The following NRG1 variants were observed in gnomAD, a reference collection of about 807,000 sequenced individuals.
The protein encoded by NRG1 is neuregulin 1.
In NRG1, 18 loss-of-function variants were observed where a neutral mutation model predicts 63.8. The ratio of observed to expected loss-of-function variants is 0.28; its 90% CI spans 0.19 to 0.42. NRG1 has a LOEUF of 0.42. Among genes scored for constraint, NRG1 ranks in the 10% least tolerant of loss-of-function variants. NRG1 has a pLI of 1.00. For synonymous variants in NRG1, 302 were observed against 301.3 expected, an observed-to-expected ratio of 1.00 and a Z score of -0.02; for missense variants, 762 against 814.7, an observed-to-expected ratio of 0.94 and a Z score of 0.79.
At chr8:32,164,002 T>C (rs1436815984) in intron 1 of NRG1, among the ~76,000 whole-genome samples, 1 of 152,246 alleles carries the variant, frequency 6.6e-6, no homozygotes, top group East Asian at 1.9e-4. Context: ...GGTTTGTGTA[T>C]ATGTACGTGT....
intron 1 of NRG1, among the ~76,000 whole-genome samples, chr8:31,806,678 A>G (rs1822320092): frequency 6.6e-6 from 1 of 152,204 alleles, no homozygotes; most frequent in South Asian, 2.1e-4. Flanking sequence ...CCAAATGACC[A>G]TTAATCATAT....
chr8:32,404,359 G>C (rs1247861538), intron 1 of NRG1, among the ~76,000 whole-genome samples: 2 of 152,088 alleles, frequency 1.3e-5, no homozygotes, highest in African/African-American at 4.8e-5. Context: ...TCAATGCCTA[G>C]TGTCCTTAGA....
At chr8:32,729,586 C>G (rs1471713245) in intron 6 of NRG1, among the ~76,000 whole-genome samples, 1 of 152,118 alleles carries the variant, frequency 6.6e-6, no homozygotes, top group Non-Finnish European at 1.5e-5. Context: ...GTTAGAGAGG[C>G]AATTGAACTG....
downstream of NRG1, among the ~76,000 whole-genome samples, chr8:32,771,684 G>A (rs1486887845): frequency 8.0e-6 from 1 of 125,784 alleles, no homozygotes; most frequent in Non-Finnish European, 1.6e-5. Flanking sequence ...TACACAGGAT[G>A]TTCAGACATA....
intron 1 of NRG1, among the ~76,000 whole-genome samples, chr8:31,886,611 TC>T (rs1830733642): frequency 6.6e-6 from 1 of 152,080 alleles, no homozygotes; most frequent in African/African-American, 2.4e-5. Flanking sequence ...TAAATTAGTA[TC>T]TTTTTAATGT....
chr8:32,511,367 G>GTGTGTA (rs1338353608), intron 1 of NRG1, among the ~76,000 whole-genome samples: 5 of 122,078 alleles, frequency 4.1e-5, no homozygotes, highest in East Asian at 2.3e-4. Flanking sequence ...ATATATATGT[G>GTGTGTA]TATATATATA....
At chr8:31,963,524 A>G (rs1226430682) in intron 1 of NRG1, among the ~76,000 whole-genome samples, 1 of 152,202 alleles carries the variant, frequency 6.6e-6, no homozygotes, top group Non-Finnish European at 1.5e-5. Flanking sequence ...TGAAACCTAT[A>G]ATTATTGCAT....
At chr8:32,234,594 A>G (rs1355153696) in intron 1 of NRG1, among the ~76,000 whole-genome samples, 1 of 152,220 alleles carries the variant, frequency 6.6e-6, no homozygotes, top group East Asian at 1.9e-4. Context: ...ATTTTGGAAT[A>G]AAGTTGAAAT....
chr8:32,124,690 G>A (rs1833871591), intron 1 of NRG1, among the ~76,000 whole-genome samples: 1 of 151,648 alleles, frequency 6.6e-6, no homozygotes, highest in Non-Finnish European at 1.5e-5. Flanking sequence ...TATTTTCAAT[G>A]TCCCCCATCC....
intron 1 of NRG1, among the ~76,000 whole-genome samples, chr8:31,997,785 T>A (rs1812252169): frequency 6.6e-6 from 1 of 152,006 alleles, no homozygotes; most frequent in Non-Finnish European, 1.5e-5. Context: ...ATGCCTACTG[T>A]ATGCCAAATC....
At chr8:31,825,364 G>A (rs989347337) in intron 1 of NRG1, among the ~76,000 whole-genome samples, 16 of 151,854 alleles carry the variant, frequency 1.1e-4, no homozygotes, top group African/African-American at 3.6e-4. Context: ...CTCCATCCTG[G>A]GTGACAGAGG....
chr8:31,739,567 G>T (rs117355764), intron 1 of NRG1, among the ~76,000 whole-genome samples: 7 of 151,972 alleles, frequency 4.6e-5, no homozygotes, highest in Non-Finnish European at 1.0e-4. Flanking sequence ...GTGTAACTAC[G>T]ACTCTGTGTG....
intron 1 of NRG1, among the ~76,000 whole-genome samples, chr8:32,074,712 G>A (rs1376355413): frequency 6.6e-6 from 1 of 152,124 alleles, no homozygotes; most frequent in Non-Finnish European, 1.5e-5. Context: ...GTCAGTGTCT[G>A]TTATGAATTC....
At chr8:32,395,880 AT>A (rs1332810840) in intron 1 of NRG1, among the ~76,000 whole-genome samples, 1 of 152,090 alleles carries the variant, frequency 6.6e-6, no homozygotes, top group Non-Finnish European at 1.5e-5. Flanking sequence ...CTTTATGTCT[AT>A]GATCCATTTT....
chr8:32,025,529 CAAAT>C (rs371182789), intron 1 of NRG1, among the ~76,000 whole-genome samples: 21 of 152,144 alleles, frequency 1.4e-4, no homozygotes, highest in African/African-American at 5.1e-4. Flanking sequence ...CTATTGACCT[CAAAT>C]AAATGTTTTA....
Position 32,723,554 on chromosome 8 carries a change from C to T in NRG1, c.503-4395C>T, listed in dbSNP as rs537045284. Among the ~76,000 whole-genome samples, 11 of 151,304 alleles carry T rather than the reference C, an allele frequency of 7.3e-5. No homozygotes were observed. In the South Asian group the frequency reaches 2.1e-3, roughly 29 times the overall value. Reference sequence around the variant, plus strand: ...AAAAAAAATTAGCCGGGTGTGGTGGCGCATGGCTGTAGTACCAGCTAGCTA... The same window carrying T: ...AAAAAAAATTAGCCGGGTGTGGTGGTGCATGGCTGTAGTACCAGCTAGCTA... On this transcript the variant is annotated intron_variant, in intron 5 of 11. Coordinates refer to ENST00000356819, the Ensembl canonical transcript of NRG1.
chr8:32,090,173 A>G (rs1274034299), intron 1 of NRG1, among the ~76,000 whole-genome samples: 1 of 152,340 alleles, frequency 6.6e-6, no homozygotes, highest in African/African-American at 2.4e-5. Context: ...TGAAATGCTG[A>G]TAGAATCATA....
chr8:32,094,396 G>A (rs1017360611), intron 1 of NRG1, among the ~76,000 whole-genome samples: 1 of 152,168 alleles, frequency 6.6e-6, no homozygotes, highest in Non-Finnish European at 1.5e-5. Flanking sequence ...TTTGTGACAT[G>A]CAGTGCTCCT....
chr8:32,497,903 A>C (rs981876982), intron 1 of NRG1, among the ~76,000 whole-genome samples: 1 of 152,116 alleles, frequency 6.6e-6, no homozygotes, highest in Non-Finnish European at 1.5e-5. Context: ...GGCTCACCAC[A>C]ACCTCCCCTT....
Sources: gnomAD v4.1 joint callset for allele counts (sites outside exome capture counted in the v4.1 genomes callset) on GRCh38, gnomAD v4.1.1 for gene constraint, MANE v1.5 for transcripts, NCBI Gene and HGNC (gene_info 2026-07-23, HGNC 2026-07-21) for gene names.